ANKK1: variants seen among roughly 807,000 people sequenced by gnomAD.
The protein encoded by ANKK1 is ankyrin repeat and kinase domain containing 1.
A neutral mutation model predicts 37.6 loss-of-function variants in ANKK1; 37 were observed. That is an observed-to-expected ratio of 0.98 (90% confidence interval 0.76 to 1.29). ANKK1 has a LOEUF of 1.29. Among genes scored for constraint, ANKK1 ranks in the 50% most tolerant of loss-of-function variants. ANKK1 has a pLI of 0.00. For missense variants in ANKK1, 1,019 were observed against 990.6 expected (o/e 1.03, Z -0.39); for synonymous variants, 415 against 418.7 (o/e 0.99, Z 0.11).
In ANKK1 at chr11:113,399,904, G is replaced by A; in HGVS notation, c.1935G>A (p.Leu645=). The change falls in exon 8 of 8, where the codon CTG becomes CTA. Residue 645 remains leucine (L), a synonymous_variant. Coordinates refer to ENST00000303941, the MANE Select transcript of ANKK1 (RefSeq NM_178510.2). ...GGGAGGAGGCGGTGGTGTCAGCACT[G>A]CTGCAGTGTGGGGCTGACCCCAATG... ...RHGEEAVVSA[L]LQCGADPNAA... 6.2e-7 allele frequency: 1 copy of A among 1,613,530 alleles called. No individual in the cohort carries two copies.
At chr11:113,395,172 G>A in intron 3 of ANKK1, 92 bp downstream of exon 3, 1 of 1,514,800 alleles carries the variant, frequency 6.6e-7, no homozygotes, top group South Asian at 1.3e-5. Context: ...GGGCAGGGCA[G>A]TGCGGGCATG....
intron 1 of ANKK1, 102 bp from the exon 2 acceptor site, chr11:113,393,379 G>A: frequency 1.5e-6 from 2 of 1,294,538 alleles, no homozygotes; most frequent in South Asian, 2.9e-5. Flanking sequence ...AGGCTTCTGT[G>A]GGTCCCCACA....
Position 113,399,999 on chromosome 11 carries a change from A to G in ANKK1, c.2030A>G (p.Asn677Ser), listed in dbSNP as rs533178221. The change falls in exon 8 of 8, where the codon AAC becomes AGC. Residue 677 changes from asparagine to serine, a missense_variant. Coordinates refer to ENST00000303941, the MANE Select transcript of ANKK1 (RefSeq NM_178510.2). ...VQRSTFLSVI[N>S]LLEHHANVHA... is the part of the protein sequence containing the mutation. ...AGGAGCACCTTCCTGAGTGTCATCA[A>G]CCTCCTAGAACATCACGCAAATGTC... The G allele has an allele frequency of 6.2e-7, 1 of 1,613,304 alleles. No homozygotes were observed. The highest frequency in any genetic ancestry group is 8.5e-7 in the Non-Finnish European group (1 of 1,179,780).
chr11:113,388,404 G>C (rs1950563654), intron 1 of ANKK1, among the ~76,000 whole-genome samples: 1 of 152,136 alleles, frequency 6.6e-6, no homozygotes, highest in African/African-American at 2.4e-5. Flanking sequence ...TCTTCCCCCG[G>C]TGTCCTGTGG....
rs1405440701 is a variant in ANKK1, at chr11:113,393,554, T to C, written c.259T>C (p.Tyr87His). The change falls in exon 2 of 8, where the codon TAC becomes CAC. Residue 87 changes from tyrosine to histidine, a missense_variant. Coordinates refer to ENST00000303941, the MANE Select transcript of ANKK1 (RefSeq NM_178510.2). ...CAAGTTTCAGCACATCGTGTCTATCTACGGGGTGTGCAAGCAGCCCCTGGG... is the reference window on the plus strand; with the variant it reads ...CAAGTTTCAGCACATCGTGTCTATCCACGGGGTGTGCAAGCAGCCCCTGGG... Reference protein sequence around the residue: ...KIKFQHIVSIYGVCKQPLGIV... With the variant: ...KIKFQHIVSIHGVCKQPLGIV... The C allele has an allele frequency of 6.2e-7, 1 of 1,613,908 alleles. No individual in the cohort carries two copies. The highest frequency in any genetic ancestry group is 8.5e-7 in the Non-Finnish European group (1 of 1,179,908).
chr11:113,398,164 C>A, intron 7 of ANKK1, 148 bp downstream of exon 7: 1 of 935,314 alleles, frequency 1.1e-6, no homozygotes, highest in Non-Finnish European at 1.6e-6. Flanking sequence ...CAGCACCCAG[C>A]TGCATGTTCA....
At position 113,396,108 on chromosome 11, in the gene ANKK1, A is replaced by G. The variant is rs1250130741; in HGVS notation, c.724A>G (p.Met242Val). The G allele has an allele frequency of 1.2e-6, 2 of 1,614,008 alleles. No individual in the cohort carries two copies. The highest frequency in any genetic ancestry group is 1.7e-6 in the Non-Finnish European group (2 of 1,179,896). Residue 242 changes from methionine to valine, a missense_variant, in exon 5 of 8, where the codon ATG (methionine) becomes GTG (valine). Transcript: ENST00000303941. ...GATTATTATCCGAGTGGCGGCAGGCATGCGGCCCTCCCTACAGCCTGTCTC... is the reference window on the plus strand; with the variant it reads ...GATTATTATCCGAGTGGCGGCAGGCGTGCGGCCCTCCCTACAGCCTGTCTC... ...MMIIIRVAAGMRPSLQPVSDQ... is the reference protein window; with the variant it reads ...MMIIIRVAAGVRPSLQPVSDQ...
Position 113,399,571 on chromosome 11 carries a change from A to G in ANKK1, c.1602A>G (p.Ala534=), listed in dbSNP as rs752326791. The G allele has an allele frequency of 3.7e-6, 6 of 1,604,464 alleles. No homozygotes were observed. Among genetic ancestry groups the G allele is most frequent in the Non-Finnish European group, 5.1e-6 (6 of 1,175,738 alleles). ...QRNLRTPLHL[A]VERGKVRAIQ... is the part of the protein sequence containing the mutation. ...ACCTGAGAACACCACTGCACCTGGC[A>G]GTAGAGCGGGGCAAAGTGAGGGCCA... The change falls in exon 8 of 8, where the codon GCA becomes GCG. Residue 534 remains alanine, a synonymous_variant. Transcript: ENST00000303941.
chr11:113,394,996 C>T lies in ANKK1; in HGVS notation c.548C>T (p.Ala183Val). The T allele has an allele frequency of 6.2e-7, 1 of 1,613,558 alleles. No homozygotes were observed. The highest frequency in any genetic ancestry group is 8.5e-7 in the Non-Finnish European group (1 of 1,179,736). Residue 183 changes from alanine (A) to valine (V), a missense_variant, in exon 3 of 8, where the codon GCT becomes GTT. By Grantham distance (64) the Ala-to-Val change is moderately conservative. Coordinates refer to ENST00000303941, the MANE Select transcript of ANKK1 (RefSeq NM_178510.2). ...CGGATGCAGTACATCGAGAGGTCGG[C>T]TCTGCGGGGCATGCTCAGCTACATC... ...STRMQYIERSALRGMLSYIPP... is the reference protein window; with the variant it reads ...STRMQYIERSVLRGMLSYIPP...
At chr11:113,397,835 C>A in intron 6 of ANKK1, 145 bp from the exon 7 acceptor site, 1 of 917,438 alleles carries the variant, frequency 1.1e-6, no homozygotes, top group Admixed American at 2.1e-5. Flanking sequence ...ATAGTCATGG[C>A]AAAGGATAAA....
chr11:113,390,921 T>C (rs1950582540), intron 1 of ANKK1, among the ~76,000 whole-genome samples: 2 of 152,170 alleles, frequency 1.3e-5, no homozygotes, highest in South Asian at 4.1e-4. Flanking sequence ...CAGTTCTTGA[T>C]TAAAATATCT....
At chr11:113,391,737 T>C (rs1272388318) in intron 1 of ANKK1, among the ~76,000 whole-genome samples, 1 of 151,944 alleles carries the variant, frequency 6.6e-6, no homozygotes, top group East Asian at 1.9e-4. Flanking sequence ...GTATTGAATA[T>C]CCAATTGGAG....
At chr11:113,391,284 G>T (rs1950585197) in intron 1 of ANKK1, among the ~76,000 whole-genome samples, 1 of 152,208 alleles carries the variant, frequency 6.6e-6, no homozygotes, top group Non-Finnish European at 1.5e-5. Flanking sequence ...GCTATGCCTG[G>T]CATTGGGGAC....
At chr11:113,390,595 C>T (rs73557236) in intron 1 of ANKK1, among the ~76,000 whole-genome samples, 18,206 of 151,926 alleles carry the variant, frequency 0.12, 1,590 homozygotes, top group East Asian at 0.47. Flanking sequence ...ATTAGCTGGG[C>T]GTGGTGGTGG....
chr11:113,388,894 C>T (rs913111458), intron 1 of ANKK1, among the ~76,000 whole-genome samples: 1 of 152,198 alleles, frequency 6.6e-6, no homozygotes, highest in Admixed American at 6.5e-5. Context: ...ACCATGTCCT[C>T]CTCCCAAGGC....
chr11:113,393,852 GACC>G (rs963043294), intron 2 of ANKK1, 77 bp downstream of exon 2: 58 of 1,469,124 alleles, frequency 3.9e-5, no homozygotes, highest in Non-Finnish European at 4.9e-5. Context: ...CCACCTGCCT[GACC>G]GGCCTGTCAA....
chr11:113,397,306 G>A lies in ANKK1; in HGVS notation c.921G>A (p.Lys307=). ...AVPESKALAR[K]VSCKLSLRQP... ...CAGAGAGCAAGGCCCTGGCCAGGAA[G>A]GTGTCCTGCAAGCTGTCGCTGCGCC... The change falls in exon 6 of 8, where the codon AAG becomes AAA. Residue 307 remains lysine, a synonymous_variant. Coordinates refer to ENST00000303941, the MANE Select transcript of ANKK1 (RefSeq NM_178510.2). The A allele has an allele frequency of 1.2e-6, 2 of 1,612,720 alleles. No individual in the cohort carries two copies. The highest frequency in any genetic ancestry group is 1.7e-6 in the Non-Finnish European group (2 of 1,179,816).
chr11:113,390,269 G>A (rs977557926), intron 1 of ANKK1, among the ~76,000 whole-genome samples: 1 of 152,204 alleles, frequency 6.6e-6, no homozygotes, highest in East Asian at 1.9e-4. Context: ...GACAATTAAT[G>A]GAGAGACTAT....
Position 113,399,107 on chromosome 11 carries a change from T to C in ANKK1, c.1138T>C (p.Leu380=). 6.3e-7 allele frequency: 1 copy of C among 1,593,148 alleles called. No homozygotes were observed. The highest frequency in any genetic ancestry group is 8.5e-7 in the Non-Finnish European group (1 of 1,169,988). The part of the protein sequence containing the change: ...VAQGSVEQVR[L]LLAHEVDVDC... ...CCAGGGCAGTGTGGAGCAGGTGAGG[T>C]TGCTGCTGGCCCACGAGGTAGACGT... Residue 380 remains leucine (L), a synonymous_variant, in exon 8 of 8, where the codon TTG becomes CTG. Transcript: ENST00000303941.
Sources: allele counts gnomAD v4.1 joint callset (sites outside exome capture counted in the v4.1 genomes callset), GRCh38; gene constraint gnomAD v4.1.1; transcripts MANE v1.5; gene names NCBI Gene and HGNC (gene_info 2026-07-23, HGNC 2026-07-21).